Variants in CSGALNACT1 observed in about 807,000 individuals in gnomAD.
CSGALNACT1 encodes beta4GalNAcT-1.
A neutral mutation model predicts 51.0 loss-of-function variants in CSGALNACT1; 52 were observed. That is an observed-to-expected ratio of 1.02 (90% CI 0.82 to 1.29). The LOEUF is 1.29. CSGALNACT1 is among the 50% of genes most tolerant of loss of function. CSGALNACT1 has a pLI of 0.00. For synonymous variants in CSGALNACT1, 341 were observed against 254.4 expected, an observed-to-expected ratio of 1.34 and a Z score of -3.24; for missense variants, 935 against 679.2, an observed-to-expected ratio of 1.38 and a Z score of -4.19.
intron 3 of CSGALNACT1, among the ~76,000 whole-genome samples, chr8:19,586,840 G>T (rs139146850): frequency 2.9e-3 from 436 of 152,224 alleles, no homozygotes; most frequent in African/African-American, 9.8e-3. Context: ...ATCGTCCTAG[G>T]CTCAGGTACA....
intron 1 of CSGALNACT1, among the ~76,000 whole-genome samples, chr8:19,691,055 G>A (rs747995587): frequency 4.2e-4 from 64 of 152,178 alleles, no homozygotes; most frequent in Non-Finnish European, 7.9e-4. Context: ...TTGCACCACT[G>A]CACTCAAGCT....
chr8:19,565,100 C>T (rs1270769530), intron 3 of CSGALNACT1, among the ~76,000 whole-genome samples: 4 of 152,156 alleles, frequency 2.6e-5, no homozygotes, highest in African/African-American at 9.7e-5. Flanking sequence ...AGCATCCTTG[C>T]TGAAAAATAT....
intron 6 of CSGALNACT1, among the ~76,000 whole-genome samples, chr8:19,422,828 C>T (rs1044482361): frequency 3.3e-5 from 5 of 152,126 alleles, no homozygotes; most frequent in African/African-American, 1.2e-4. Flanking sequence ...AAAGGTTTAC[C>T]CATGGGAGAT....
At chr8:19,594,895 C>G (rs2154137126) in intron 2 of CSGALNACT1, among the ~76,000 whole-genome samples, 1 of 152,226 alleles carries the variant, frequency 6.6e-6, no homozygotes, top group South Asian at 2.1e-4. Flanking sequence ...AGGACCTTTA[C>G]TCCTTTTATA....
intron 1 of CSGALNACT1, among the ~76,000 whole-genome samples, chr8:19,742,533 A>G (rs916399102): frequency 9.2e-5 from 14 of 152,222 alleles, no homozygotes; most frequent in African/African-American, 2.9e-4. Flanking sequence ...GCCCAGCTGC[A>G]GCCAATGCAT....
intron 3 of CSGALNACT1, among the ~76,000 whole-genome samples, chr8:19,544,983 G>C (rs974562586): frequency 2.0e-5 from 3 of 151,588 alleles, no homozygotes; most frequent in Non-Finnish European, 4.4e-5. Context: ...GGAGAAGCCA[G>C]TCAGTCCATC....
intron 5 of CSGALNACT1, among the ~76,000 whole-genome samples, chr8:19,447,454 G>T (rs1331821016): frequency 2.0e-5 from 3 of 152,322 alleles, no homozygotes; most frequent in East Asian, 3.9e-4. Flanking sequence ...TCTGAGGCCT[G>T]ATTTGAGGAG....
intron 3 of CSGALNACT1, among the ~76,000 whole-genome samples, chr8:19,543,951 T>C (rs1489542817): frequency 6.6e-6 from 1 of 152,220 alleles, no homozygotes; most frequent in African/African-American, 2.4e-5. Context: ...GGTGCCAGTA[T>C]TAAATTCTTC....
chr8:19,430,750 A>AT (rs2059531190), intron 6 of CSGALNACT1, among the ~76,000 whole-genome samples: 1 of 152,136 alleles, frequency 6.6e-6, no homozygotes, highest in Admixed American at 6.5e-5. Flanking sequence ...TTGGATTTTA[A>AT]TAGGGATTGT....
chr8:19,592,208 G>T (rs1236376252), intron 2 of CSGALNACT1, among the ~76,000 whole-genome samples: 2 of 152,166 alleles, frequency 1.3e-5, no homozygotes, highest in Non-Finnish European at 2.9e-5. Flanking sequence ...TAGTTTAAAG[G>T]ACATTAAGTC....
intron 6 of CSGALNACT1, among the ~76,000 whole-genome samples, chr8:19,435,138 T>C (rs1403117750): frequency 6.6e-6 from 1 of 152,178 alleles, no homozygotes. Context: ...AAAGATGAAC[T>C]TGTAATGTAG....
chr8:19,646,161 A>G (rs1018172794), intron 1 of CSGALNACT1, among the ~76,000 whole-genome samples: 1 of 152,228 alleles, frequency 6.6e-6, no homozygotes, highest in Non-Finnish European at 1.5e-5. Flanking sequence ...AAAAATCGAT[A>G]TTACTCAGTA....
chr8:19,694,946 G>T (rs1552782), intron 1 of CSGALNACT1, among the ~76,000 whole-genome samples: 2 of 152,054 alleles, frequency 1.3e-5, no homozygotes, highest in Non-Finnish European at 2.9e-5. Flanking sequence ...TCTGCAAAAC[G>T]GCCCAGACCC....
At chr8:19,650,880 G>T (rs1260894059) in intron 1 of CSGALNACT1, among the ~76,000 whole-genome samples, 1 of 152,182 alleles carries the variant, frequency 6.6e-6, no homozygotes, top group Non-Finnish European at 1.5e-5. Context: ...CTCAGGTGAA[G>T]AGTCACGAGT....
chr8:19,743,390 G>A (rs1288532360), intron 1 of CSGALNACT1, among the ~76,000 whole-genome samples: 5 of 152,098 alleles, frequency 3.3e-5, no homozygotes, highest in African/African-American at 1.2e-4. Context: ...AAAGTACTAT[G>A]AACATCTCAA....
At chr8:19,463,567 T>C (rs1439684790) in intron 4 of CSGALNACT1, among the ~76,000 whole-genome samples, 1 of 152,224 alleles carries the variant, frequency 6.6e-6, no homozygotes, top group Non-Finnish European at 1.5e-5. Context: ...TTTCAGCCAG[T>C]AAGCTGACAC....
intron 1 of CSGALNACT1, among the ~76,000 whole-genome samples, chr8:19,724,756 T>C (rs2063303927): frequency 6.6e-6 from 1 of 152,240 alleles, no homozygotes; most frequent in Admixed American, 6.5e-5. Context: ...TCTGCTCAGA[T>C]ACTTGAGTCC....
chr8:19,505,942 G>T lies in CSGALNACT1; in HGVS notation c.-108C>A, dbSNP rs768015045. 1.1e-5 allele frequency: 14 copies of T among 1,308,852 alleles called. No homozygotes were observed. The African/African-American group carries it at 1.9e-4, about 18-fold the overall frequency. The allele number at this position is 1,308,852 out of a possible 1,614,324, so 81.1% of individuals were successfully genotyped here. On this transcript the variant is annotated 5_prime_UTR_variant, in exon 4 of 10. Transcript: ENST00000454498. Reference sequence around the variant, plus strand: ...CAGGAAGCATGCGTTTGGGGCCCCCGGAGCTGCTTGCATCCATTTCCTTCT... The same window carrying T: ...CAGGAAGCATGCGTTTGGGGCCCCCTGAGCTGCTTGCATCCATTTCCTTCT...
exon 5 of CSGALNACT1, chr8:19,458,479 G>A (rs1340498278): frequency 1.9e-6 from 3 of 1,614,050 alleles, no homozygotes; most frequent in Admixed American, 1.7e-5. Flanking sequence ...CTAGAGGCAC[G>A]ATAACATTGA....
Sources: gnomAD v4.1 joint callset for allele counts (sites outside exome capture counted in the v4.1 genomes callset) on GRCh38, gnomAD v4.1.1 for gene constraint, MANE v1.5 for transcripts, NCBI Gene and HGNC (gene_info 2026-07-23, HGNC 2026-07-21) for gene names.